STXBP5L: variants seen among roughly 807,000 people sequenced by gnomAD.
STXBP5L encodes syntaxin binding protein 5L.
In STXBP5L, 65 loss-of-function variants were observed where a neutral mutation model predicts 144.5. The observed-to-expected ratio is 0.45, with a 90% CI of 0.37 to 0.55. STXBP5L has a LOEUF of 0.55. STXBP5L is among the 20% of genes least tolerant of loss of function. The pLI is 0.00. For missense variants in STXBP5L, 1,298 were observed against 1,405.5 expected, an observed-to-expected ratio of 0.92 and a Z score of 1.22; for synonymous variants, 505 against 469.6, an observed-to-expected ratio of 1.08 and a Z score of -0.97.
At chr3:121,073,731 G>C (rs1237142032) in intron 5 of STXBP5L, among the ~76,000 whole-genome samples, 1 of 151,830 alleles carries the variant, frequency 6.6e-6, no homozygotes, top group Non-Finnish European at 1.5e-5. Flanking sequence ...CCCCAGCTTT[G>C]GTAGCCTTAT....
chr3:121,157,561 G>A lies in STXBP5L; in HGVS notation c.811G>A (p.Asp271Asn). 6.2e-7 allele frequency: 1 copy of A among 1,606,168 alleles called. No individual in the cohort carries two copies. ...EGKQFMCSHS[D>N]GSLTLWNLKS... is the part of the protein sequence containing the mutation. ...CAAACAGTTCATGTGCAGCCATTCAGATGGTAGTTTGACTTTATGGAACCT... is the reference window on the plus strand; with the variant it reads ...CAAACAGTTCATGTGCAGCCATTCAAATGGTAGTTTGACTTTATGGAACCT... The change falls in exon 9 of 27, where the codon GAT becomes AAT. Residue 271 changes from aspartate to asparagine, a missense_variant. By Grantham distance (23) the Asp-to-Asn change is conservative (BLOSUM62 1). Coordinates refer to ENST00000471454, the MANE Select transcript of STXBP5L (RefSeq NM_001308330.2).
chr3:121,220,766 C>T (rs2048949274), intron 10 of STXBP5L, among the ~76,000 whole-genome samples: 1 of 151,952 alleles, frequency 6.6e-6, no homozygotes, highest in Non-Finnish European at 1.5e-5. Flanking sequence ...GCTTTTGAGT[C>T]TGGGTTTGAA....
At position 121,120,257 on chromosome 3, in the gene STXBP5L, A is replaced by G. The variant is rs189798358; in HGVS notation, c.606-1384A>G. 3.3e-5 allele frequency among the ~76,000 whole-genome samples: 5 copies of G among 151,408 alleles called. No homozygotes were observed. In the East Asian group the frequency reaches 9.6e-4, roughly 29 times the overall value. ...TGGCAATTATGAATTCCTGGAGGAT[A>G]ATTTAAAGACATTAAACCTTATCAG... is the stretch of plus-strand genomic sequence containing the variant. On this transcript the variant is annotated intron_variant, in intron 6 of 26. Coordinates refer to ENST00000471454, the MANE Select transcript of STXBP5L (RefSeq NM_001308330.2).
At chr3:121,101,807 A>G (rs191837848) in intron 5 of STXBP5L, among the ~76,000 whole-genome samples, 6 of 152,238 alleles carry the variant, frequency 3.9e-5, no homozygotes, top group East Asian at 1.9e-4. Flanking sequence ...CTTTTTGCTG[A>G]TGATATAATT....
intron 20 of STXBP5L, among the ~76,000 whole-genome samples, chr3:121,342,275 A>C (rs1253950549): frequency 2.6e-5 from 4 of 152,178 alleles, no homozygotes; most frequent in Non-Finnish European, 5.9e-5. Context: ...AAGTAAATTA[A>C]TAGAATTCAA....
intron 18 of STXBP5L, among the ~76,000 whole-genome samples, chr3:121,260,953 G>A (rs1559915101): frequency 6.6e-6 from 1 of 152,132 alleles, no homozygotes; most frequent in Non-Finnish European, 1.5e-5. Flanking sequence ...GGGAGAGAAG[G>A]AATGGACTGT....
chr3:121,005,172 A>G (rs1385452685), intron 3 of STXBP5L, among the ~76,000 whole-genome samples: 1 of 152,260 alleles, frequency 6.6e-6, no homozygotes, highest in African/African-American at 2.4e-5. Flanking sequence ...CTGTGAATCC[A>G]TCTGGTCCTG....
At chr3:120,992,600 G>A (rs192416168) in intron 3 of STXBP5L, among the ~76,000 whole-genome samples, 2 of 152,152 alleles carry the variant, frequency 1.3e-5, no homozygotes, top group East Asian at 1.9e-4. Context: ...TGGACGTGCA[G>A]TTCTATCCAT....
intron 9 of STXBP5L, among the ~76,000 whole-genome samples, chr3:121,191,118 C>G (rs2047659060): frequency 1.3e-5 from 2 of 152,186 alleles, no homozygotes; most frequent in African/African-American, 4.8e-5. Context: ...CAGAGACACT[C>G]CTCACTTTCT....
intron 20 of STXBP5L, among the ~76,000 whole-genome samples, chr3:121,346,254 C>T (rs911900427): frequency 1.3e-5 from 2 of 152,052 alleles, no homozygotes; most frequent in Non-Finnish European, 2.9e-5. Context: ...TTTCCAGCTT[C>T]ATCCATGTCC....
At position 121,037,582 on chromosome 3, in the gene STXBP5L, G is replaced by T. The variant is rs146758339; in HGVS notation, c.288-4118G>T. On this transcript the variant is annotated intron_variant, in intron 3 of 26. Coordinates refer to ENST00000471454, the MANE Select transcript of STXBP5L (RefSeq NM_001308330.2). ...CCAACATTTTTTATTGGTATTTTTT[G>T]AATCTATATTCATGAGAGATATTAG... Among the ~76,000 whole-genome samples the T allele has an allele frequency of 2.7e-3, 417 of 151,916 alleles. 2 individuals carry two copies. The highest frequency in any genetic ancestry group is 9.1e-3 in the African/African-American group (377 of 41,448).
At chr3:120,976,124 C>T (rs1183730407) in intron 3 of STXBP5L, among the ~76,000 whole-genome samples, 1 of 152,090 alleles carries the variant, frequency 6.6e-6, no homozygotes, top group Non-Finnish European at 1.5e-5. Flanking sequence ...GGAATGGTAC[C>T]AGCTCCTCTT....
Position 121,041,791 on chromosome 3 carries a change from A to AT in STXBP5L, c.369+16dup, listed in dbSNP as rs753567499. The stretch of plus-strand genomic sequence containing the variant: ...ATTTTTGATCAATGAGGTAAGGATT[A>AT]TTTTTTGACTACTTAAATCACACAC... On this transcript the variant is annotated intron_variant, in intron 4 of 26. Coordinates refer to ENST00000471454, the MANE Select transcript of STXBP5L (RefSeq NM_001308330.2). 2.5e-6 allele frequency: 4 copies of AT among 1,598,114 alleles called. No homozygotes were observed. In the Admixed American group the frequency reaches 6.7e-5, roughly 27 times the overall value.
intron 3 of STXBP5L, among the ~76,000 whole-genome samples, chr3:120,965,300 C>G (rs2933327): frequency 0.52 from 78,287 of 151,948 alleles, 20,611 homozygotes; most frequent in Admixed American, 0.6. Context: ...ATACTGTTAT[C>G]TGTGAATTTG....
intron 3 of STXBP5L, among the ~76,000 whole-genome samples, chr3:121,012,530 T>C (rs1449860322): frequency 6.6e-6 from 1 of 151,876 alleles, no homozygotes; most frequent in Non-Finnish European, 1.5e-5. Context: ...TCTTAGTGGC[T>C]GTAGAGTGGT....
chr3:121,018,833 A>G (rs566720837), intron 3 of STXBP5L, among the ~76,000 whole-genome samples: 35 of 152,324 alleles, frequency 2.3e-4, no homozygotes, highest in African/African-American at 8.2e-4. Flanking sequence ...TACTTCATGA[A>G]TTACTGCAGG....
intron 3 of STXBP5L, among the ~76,000 whole-genome samples, chr3:120,975,137 G>A (rs139072279): frequency 0.035 from 5,266 of 152,188 alleles, 340 homozygotes; most frequent in Admixed American, 0.17. Context: ...CTTGGGCAGT[G>A]TGGCCATTTT....
intron 19 of STXBP5L, among the ~76,000 whole-genome samples, chr3:121,284,100 A>T (rs1288563483): frequency 6.6e-6 from 1 of 152,042 alleles, no homozygotes; most frequent in Non-Finnish European, 1.5e-5. Context: ...GGATCCTATA[A>T]TATCAGCCAT....
At chr3:121,342,876 T>C (rs1308584718) in intron 20 of STXBP5L, among the ~76,000 whole-genome samples, 1 of 149,884 alleles carries the variant, frequency 6.7e-6, no homozygotes, top group East Asian at 2.0e-4. Context: ...ATGGGATTGC[T>C]GGGTCAAATG....
Sources: allele counts gnomAD v4.1 joint callset (sites outside exome capture counted in the v4.1 genomes callset), GRCh38; gene constraint gnomAD v4.1.1; transcripts MANE v1.5; gene names NCBI Gene and HGNC (gene_info 2026-07-23, HGNC 2026-07-21).